The following STAM2 variants were observed in gnomAD, a reference collection of about 807,000 sequenced individuals.
STAM2 encodes signal transducing adapter molecule 2.
A neutral mutation model predicts 65.6 loss-of-function variants in STAM2; 51 were observed. The observed-to-expected ratio is 0.78, with a 90% confidence interval of 0.62 to 0.98. The LOEUF (loss-of-function observed/expected upper bound fraction) is 0.98, where lower values mean the gene tolerates loss of function less well. Among genes scored for constraint, STAM2 ranks in the 50% least tolerant of loss-of-function variants. STAM2 has a pLI of 0.00. For missense variants in STAM2, 584 were observed against 617.8 expected (o/e 0.95, Z 0.58); for synonymous variants, 198 against 208.4 (o/e 0.95, Z 0.43).
intron 11 of STAM2, among the ~76,000 whole-genome samples, chr2:152,130,441 CG>C (rs1442793414): frequency 2.0e-5 from 3 of 151,808 alleles, no homozygotes; most frequent in Admixed American, 6.6e-5. Flanking sequence ...TTAGTAGAGA[CG>C]GGGTTTCACC....
chr2:152,144,779 T>C lies in STAM2; in HGVS notation c.517+109A>G, dbSNP rs1271879965. 8.7e-6 allele frequency: 7 copies of C among 802,436 alleles called. No homozygotes were observed. The East Asian group carries it at 1.6e-4, about 18-fold the overall frequency. 49.7% of individuals were successfully genotyped at this position (802,436 alleles called of 1,614,324 possible). A position where few individuals can be genotyped will look rare whatever the true frequency, so the allele number is the denominator to read the frequency against. On this transcript the variant is annotated intron_variant, in intron 6 of 13. Transcript: ENST00000263904. ...GTCTCGATCTCTTGACCTCATGATC[T>C]GCCCACTTCGGCCTCCCAAAGTGCT...
At chr2:152,150,112 T>C in intron 2 of STAM2, 33 bp downstream of exon 2, 2 of 1,428,882 alleles carry the variant, frequency 1.4e-6, no homozygotes, top group East Asian at 4.5e-5. Flanking sequence ...ATCAAGTTCC[T>C]AGACATTCAC....
At chr2:152,146,800 G>A (rs1030337615) in intron 5 of STAM2, among the ~76,000 whole-genome samples, 5 of 151,984 alleles carry the variant, frequency 3.3e-5, no homozygotes, top group Non-Finnish European at 5.9e-5. Flanking sequence ...CCCTCATCCT[G>A]TATTTGTCAC....
At chr2:152,144,148 G>T in intron 6 of STAM2, 135 bp from the exon 7 acceptor site, 15 of 631,792 alleles carry the variant, frequency 2.4e-5, no homozygotes, top group East Asian at 1.0e-4. Flanking sequence ...TAACTTTCGG[G>T]AGGGTGGGGC....
chr2:152,132,998 C>A (rs935446206), intron 10 of STAM2, among the ~76,000 whole-genome samples, 175 bp downstream of exon 10: 2 of 151,976 alleles, frequency 1.3e-5, no homozygotes, highest in African/African-American at 4.8e-5. Flanking sequence ...AAAGGATTTG[C>A]AGGTTTATGA....
At chr2:152,160,630 C>T (rs1426621333) in intron 1 of STAM2, among the ~76,000 whole-genome samples, 7 of 150,624 alleles carry the variant, frequency 4.6e-5, no homozygotes, top group South Asian at 4.2e-4. Flanking sequence ...CCAGGCCAGC[C>T]GCCCCGTCCG....
intron 1 of STAM2, among the ~76,000 whole-genome samples, chr2:152,162,895 G>GCCTCA (rs1477037715): frequency 6.6e-6 from 1 of 151,686 alleles, no homozygotes; most frequent in Non-Finnish European, 1.5e-5. Context: ...CCTGACCTCA[G>GCCTCA]GTGATCTGCC....
chr2:152,131,733 T>C (rs750407337), intron 11 of STAM2: 1 of 219,238 alleles, frequency 4.6e-6, no homozygotes, highest in Non-Finnish European at 9.2e-6. Context: ...TAGAGTGCTA[T>C]ACAATGTTGG....
rs148631350 is a variant in STAM2 at position 152,134,583 on chromosome 2, C to G, written c.799+926G>C. On this transcript the variant is annotated intron_variant, in intron 8 of 13. Transcript: ENST00000263904. Reference sequence around the variant, plus strand: ...GTTCTTTCTCCTGAACTGGCAAGGACTAGCACTGATATATCCCTCAGTGAG... The same window carrying G: ...GTTCTTTCTCCTGAACTGGCAAGGAGTAGCACTGATATATCCCTCAGTGAG... Among the ~76,000 whole-genome samples the G allele has an allele frequency of 4.3e-4, 65 of 152,308 alleles. No individual in the cohort carries two copies. The East Asian group carries it at 0.012, about 29-fold the overall frequency.
chr2:152,158,674 C>A (rs1173251284), intron 1 of STAM2, among the ~76,000 whole-genome samples: 2 of 151,990 alleles, frequency 1.3e-5, no homozygotes, highest in Non-Finnish European at 2.9e-5. Flanking sequence ...AACAGAATAC[C>A]TGAAACTGGG....
intron 7 of STAM2, among the ~76,000 whole-genome samples, chr2:152,138,760 G>A (rs916759884): frequency 2.0e-5 from 3 of 152,122 alleles, no homozygotes; most frequent in African/African-American, 7.2e-5. Flanking sequence ...AAATATCTAT[G>A]GAAGATAGGA....
At chr2:152,174,982 A>G (rs1265462117) in intron 1 of STAM2, among the ~76,000 whole-genome samples, 1 of 152,168 alleles carries the variant, frequency 6.6e-6, no homozygotes, top group Non-Finnish European at 1.5e-5. Flanking sequence ...TTGAGACTGG[A>G]GATTTCCTTT....
At chr2:152,174,333 A>C (rs1260961578) in intron 1 of STAM2, among the ~76,000 whole-genome samples, 1 of 152,232 alleles carries the variant, frequency 6.6e-6, no homozygotes. Flanking sequence ...TGTATGATTC[A>C]AACAAAAGAA....
At chr2:152,125,541 A>G (rs936931316) in intron 12 of STAM2, among the ~76,000 whole-genome samples, 2 of 152,150 alleles carry the variant, frequency 1.3e-5, no homozygotes, top group African/African-American at 2.4e-5. Context: ...GGGGATACTG[A>G]CAAATGTAAG....
At chr2:152,122,862 T>C (rs1451590368) in intron 13 of STAM2, among the ~76,000 whole-genome samples, 1 of 151,980 alleles carries the variant, frequency 6.6e-6, no homozygotes, top group Non-Finnish European at 1.5e-5. Flanking sequence ...GCTCAGGAGT[T>C]TGAGACCAGC....
At chr2:152,156,164 T>C (rs1190081049) in intron 1 of STAM2, among the ~76,000 whole-genome samples, 3 of 152,202 alleles carry the variant, frequency 2.0e-5, no homozygotes, top group Non-Finnish European at 2.9e-5. Context: ...TTTTAAAATA[T>C]CTAATTAGAC....
At chr2:152,163,781 G>A (rs934745813) in intron 1 of STAM2, among the ~76,000 whole-genome samples, 2 of 152,174 alleles carry the variant, frequency 1.3e-5, no homozygotes, top group South Asian at 2.1e-4. Flanking sequence ...CTGGGAGTGT[G>A]TGTCTTATGC....
chr2:152,144,806 G>A (rs1689309128), intron 6 of STAM2, 82 bp downstream of exon 6: 1 of 1,178,954 alleles, frequency 8.5e-7, no homozygotes. Flanking sequence ...CAAAGTGCTG[G>A]GATTACAGGC....
rs1460281043 is a variant in STAM2, at chr2:152,133,582, AT to A, written c.800-99del. On this transcript the variant is annotated intron_variant, in intron 8 of 13. Transcript: ENST00000263904. Reference sequence around the variant, plus strand: ...CTATGATTGTCCATAAGAAAAAAAAATAAAAGTCCTTCAAATATTCACCACA... The same window carrying A: ...CTATGATTGTCCATAAGAAAAAAAAAAAAAGTCCTTCAAATATTCACCACA... 42 of 838,412 alleles carry A rather than the reference AT, an allele frequency of 5.0e-5. No individual in the cohort carries two copies. In the African/African-American group the frequency reaches 6.0e-4, roughly 12 times the overall value. 51.9% of individuals were successfully genotyped at this position (838,412 alleles called of 1,614,324 possible).
Sources: allele counts gnomAD v4.1 joint callset (sites outside exome capture counted in the v4.1 genomes callset), GRCh38; gene constraint gnomAD v4.1.1; transcripts MANE v1.5; gene names NCBI Gene and HGNC (gene_info 2026-07-23, HGNC 2026-07-21).